Variants in SNTG2 observed in about 807,000 individuals in gnomAD.
The protein encoded by SNTG2 is syntrophin gamma 2, also known as gamma-2-syntrophin.
In SNTG2, 74 loss-of-function variants were observed where a neutral mutation model predicts 70.9. The observed-to-expected ratio is 1.04, with a 90% CI of 0.86 to 1.27. SNTG2 has a LOEUF of 1.27. Ranked by LOEUF, SNTG2 falls within the 50% of genes most tolerant of loss-of-function variation. SNTG2 has a pLI of 0.00. For synonymous variants in SNTG2, 278 were observed against 273.8 expected (o/e 1.02, Z -0.15); for missense variants, 717 against 690.7 (o/e 1.04, Z -0.43).
intron 2 of SNTG2, among the ~76,000 whole-genome samples, chr2:1,093,381 G>A (rs1665163155): frequency 6.6e-6 from 1 of 152,166 alleles, no homozygotes; most frequent in African/African-American, 2.4e-5. Context: ...TGCCTCTGGG[G>A]TCATAAAATA....
intron 1 of SNTG2, among the ~76,000 whole-genome samples, chr2:1,039,614 A>G (rs1661318661): frequency 6.6e-6 from 1 of 152,158 alleles, no homozygotes; most frequent in South Asian, 2.1e-4. Flanking sequence ...GTCTCTTTTT[A>G]TCAGACACTG....
chr2:1,106,036 C>T lies in SNTG2; in HGVS notation c.325+7626C>T, dbSNP rs553878065. On this transcript the variant is annotated intron_variant, in intron 4 of 16. Coordinates refer to ENST00000308624, the MANE Select transcript of SNTG2 (RefSeq NM_018968.4). ...GTAATAATGGACACGTGCTGTCACT[C>T]GGGTGCAGGGTATGGAGAGCTCCTT... Among the ~76,000 whole-genome samples, 7 of 148,110 alleles carry T rather than the reference C, an allele frequency of 4.7e-5. 1 individual carries two copies. Among genetic ancestry groups the T allele is most frequent in the Admixed American group, 3.4e-4 (5 of 14,920 alleles).
At chr2:1,360,738 A>G (rs111313939) in intron 16 of SNTG2, among the ~76,000 whole-genome samples, 28 of 152,162 alleles carry the variant, frequency 1.8e-4, no homozygotes, top group African/African-American at 5.3e-4. Flanking sequence ...TCACCCCCCT[A>G]CATCCAGCAT....
At chr2:1,272,776 GGGAGCGGGTGCAGAAAGGACACCC>G in intron 14 of SNTG2, among the ~76,000 whole-genome samples, 2 of 147,692 alleles carry the variant, frequency 1.4e-5, no homozygotes, top group Non-Finnish European at 3.0e-5. Context: ...GGACACCCCA[GGGAGCGGGTGCAGAAAGGACACCC>G]CAGGGAGCGG....
At chr2:1,119,202 G>T (rs1406563610) in intron 4 of SNTG2, among the ~76,000 whole-genome samples, 2 of 151,912 alleles carry the variant, frequency 1.3e-5, no homozygotes, top group Non-Finnish European at 2.9e-5. Context: ...AATGGAGAAA[G>T]TAAGTCTTTC....
chr2:1,110,331 C>T (rs1290917833), intron 4 of SNTG2, among the ~76,000 whole-genome samples: 1 of 152,138 alleles, frequency 6.6e-6, no homozygotes, highest in Admixed American at 6.5e-5. Context: ...TTTTATTGTT[C>T]TCTAGAATTT....
intron 1 of SNTG2, among the ~76,000 whole-genome samples, chr2:1,082,747 G>T (rs1054599064): frequency 2.6e-5 from 4 of 152,252 alleles, no homozygotes; most frequent in African/African-American, 9.6e-5. Flanking sequence ...CCCTGTGCCT[G>T]ACCGGCGGCC....
At chr2:1,315,323 G>A (rs1681223593) in intron 15 of SNTG2, among the ~76,000 whole-genome samples, 1 of 152,102 alleles carries the variant, frequency 6.6e-6, no homozygotes, top group Admixed American at 6.5e-5. Context: ...CGTGTGGGCG[G>A]GAAATAAACC....
chr2:993,846 A>T (rs1661585945), intron 1 of SNTG2, among the ~76,000 whole-genome samples: 1 of 152,162 alleles, frequency 6.6e-6, no homozygotes, highest in African/African-American at 2.4e-5. Flanking sequence ...TAATTGGATT[A>T]TTTATCTTTT....
chr2:1,318,442 T>C (rs1360611094), intron 16 of SNTG2, among the ~76,000 whole-genome samples: 1 of 152,238 alleles, frequency 6.6e-6, no homozygotes, highest in African/African-American at 2.4e-5. Flanking sequence ...ATGGGATTGT[T>C]TGACATTTTT....
chr2:1,208,946 C>G (rs1673851978), intron 8 of SNTG2, among the ~76,000 whole-genome samples, 157 bp from the exon 9 acceptor site: 1 of 151,588 alleles, frequency 6.6e-6, no homozygotes, highest in South Asian at 2.1e-4. Flanking sequence ...AAGAGCACTT[C>G]TTTCTTTCCA....
chr2:1,348,800 T>C (rs995048808), intron 16 of SNTG2, among the ~76,000 whole-genome samples: 1 of 152,222 alleles, frequency 6.6e-6, no homozygotes, highest in South Asian at 2.1e-4. Context: ...GTTTGACTCT[T>C]TTCATTAACA....
At chr2:1,211,106 A>G (rs1230889297) in intron 9 of SNTG2, among the ~76,000 whole-genome samples, 2 of 152,226 alleles carry the variant, frequency 1.3e-5, no homozygotes, top group Admixed American at 1.3e-4. Context: ...GTAAATAGCC[A>G]TTTGTAAAAT....
intron 6 of SNTG2, among the ~76,000 whole-genome samples, chr2:1,141,171 A>G (rs1190125824): frequency 1.3e-5 from 2 of 152,236 alleles, no homozygotes; most frequent in African/African-American, 4.8e-5. Context: ...CCATGTTAGC[A>G]GAAGAAGGGG....
chr2:1,029,679 C>G (rs947323744), intron 1 of SNTG2, among the ~76,000 whole-genome samples: 1 of 152,170 alleles, frequency 6.6e-6, no homozygotes, highest in Non-Finnish European at 1.5e-5. Context: ...AAGCTGCTGT[C>G]GCCGCCAAGG....
At chr2:1,262,894 C>T (rs1678521268) in intron 13 of SNTG2, 1 of 152,320 alleles carries the variant, frequency 6.6e-6, no homozygotes, top group Admixed American at 6.5e-5. Context: ...AAGCCGCTGA[C>T]CTTGAACTTC....
At chr2:1,049,895 T>G (rs1009373035) in intron 1 of SNTG2, among the ~76,000 whole-genome samples, 16 of 152,240 alleles carry the variant, frequency 1.1e-4, no homozygotes, top group African/African-American at 3.9e-4. Flanking sequence ...CAGTGACATG[T>G]TATTGAATAT....
chr2:991,711 G>A (rs12471575), intron 1 of SNTG2, among the ~76,000 whole-genome samples: 2,223 of 152,214 alleles, frequency 0.015, 26 homozygotes, highest in Non-Finnish European at 0.021. Context: ...AGCATTTCCC[G>A]GCACAGGGAA....
At chr2:974,403 A>G (rs1660845702) in intron 1 of SNTG2, among the ~76,000 whole-genome samples, 1 of 152,184 alleles carries the variant, frequency 6.6e-6, no homozygotes, top group South Asian at 2.1e-4. Flanking sequence ...GTGGTAAGGC[A>G]CTGCTTGGTT....
Sources: gnomAD v4.1 joint callset for allele counts (sites outside exome capture counted in the v4.1 genomes callset) on GRCh38, gnomAD v4.1.1 for gene constraint, MANE v1.5 for transcripts, NCBI Gene and HGNC (gene_info 2026-07-23, HGNC 2026-07-21) for gene names.